The following NFAT5 variants were observed in gnomAD, a reference collection of about 807,000 sequenced individuals.
NFAT5 encodes nuclear factor of activated T-cells 5.
Under a neutral mutation model 166.5 loss-of-function variants are expected in NFAT5, and 31 were observed. The observed-to-expected ratio is 0.19, with a 90% CI of 0.14 to 0.25. The LOEUF is 0.25. NFAT5 is among the 10% of genes least tolerant of loss of function. The pLI, the probability that NFAT5 is intolerant of heterozygous loss-of-function variation, is 1.00. For synonymous variants in NFAT5, 612 were observed against 639.7 expected (o/e 0.96, Z 0.65); for missense variants, 1,449 against 1,821.8 (o/e 0.80, Z 3.72).
rs1369187661 is a variant in NFAT5, at chr16:69,687,167, TGTG to T, written c.1774+2201_1774+2203del. Among the ~76,000 whole-genome samples, 7 of 152,112 alleles carry T rather than the reference TGTG, an allele frequency of 4.6e-5. No homozygotes were observed. In the South Asian group the frequency reaches 1.0e-3, roughly 23 times the overall value. On this transcript the variant is annotated intron_variant, in intron 11 of 14. Transcript: ENST00000349945. ...TAAATAAAATTGGAACAAGGCCAGA[TGTG>T]GTGACTCACACCTGTAATCCCAGCA...
chr16:69,657,493 G>T (rs1567581702), intron 6 of NFAT5, among the ~76,000 whole-genome samples: 1 of 150,640 alleles, frequency 6.6e-6, no homozygotes, highest in Admixed American at 6.6e-5. Flanking sequence ...GCACGCAGTG[G>T]CTCACACCTG....
intron 3 of NFAT5, among the ~76,000 whole-genome samples, chr16:69,640,590 A>T (rs2035161652): frequency 6.6e-6 from 1 of 152,182 alleles, no homozygotes; most frequent in African/African-American, 2.4e-5. Flanking sequence ...GGTGACTTTT[A>T]TCAGATGAGA....
Position 69,566,372 on chromosome 16 carries a change from G to C in NFAT5, c.71G>C (p.Arg24Pro), listed in dbSNP as rs757290964. 4 of 1,597,868 alleles carry C rather than the reference G, an allele frequency of 2.5e-6. No individual in the cohort carries two copies. The highest frequency in any genetic ancestry group is 8.5e-7 in the Non-Finnish European group (1 of 1,171,482). ...GAATCGCCCAAGTCCCTCTACTCGC[G>C]AGGTGAGTCAGGCTGTGGGGGGTGG... ...DLESPKSLYS[R>P]DSLKLHPSQN... is the part of the protein sequence containing the mutation. Residue 24 changes from arginine to proline, a missense_variant and splice_region_variant, in exon 1 of 15, where the codon CGA becomes CCA. Coordinates refer to ENST00000349945, the MANE Select transcript of NFAT5 (RefSeq NM_138713.4). The surrounding 1 kb of genome is among the most constrained non-coding windows in gnomAD (Gnocchi z 5.7).
At chr16:69,652,178 G>A (rs1315142040) in intron 4 of NFAT5, among the ~76,000 whole-genome samples, 1 of 152,114 alleles carries the variant, frequency 6.6e-6, no homozygotes, top group Non-Finnish European at 1.5e-5. Flanking sequence ...AGGGCCAGGT[G>A]CAGTGGCTCA....
At chr16:69,695,580 A>G (rs1338638261) in intron 14 of NFAT5, 1 of 505,796 alleles carries the variant, frequency 2.0e-6, no homozygotes, top group Non-Finnish European at 3.5e-6. Context: ...GTGGTGGCTC[A>G]TGCCTGTAAT....
At chr16:69,674,520 G>A (rs759001489) in intron 9 of NFAT5, among the ~76,000 whole-genome samples, 1 of 151,862 alleles carries the variant, frequency 6.6e-6, no homozygotes, top group Non-Finnish European at 1.5e-5. Context: ...ATAGCTCAGG[G>A]GAAGATGGTA....
chr16:69,688,201 T>TCAAAAAAAAAAA (rs1567609208), intron 11 of NFAT5, among the ~76,000 whole-genome samples: 3 of 20,926 alleles, frequency 1.4e-4, no homozygotes, highest in African/African-American at 7.7e-4. Flanking sequence ...AGACTCCGTC[T>TCAAAAAAAAAAA]CAAAAAAAAA....
At position 69,589,104 on chromosome 16, in the gene NFAT5, C is replaced by A. The variant is rs544997764; in HGVS notation, c.127+20556C>A. ...CCACGTCCTGGGTACAAGTGATTCT[C>A]CTGCCTCAGCCTCCCGAGTAGCTGG... On this transcript the variant is annotated intron_variant, in intron 2 of 14. Transcript: ENST00000349945. Among the ~76,000 whole-genome samples the A allele has an allele frequency of 4.8e-5, 7 of 147,136 alleles. 1 individual carries two copies. The South Asian group carries it at 1.5e-3, about 32-fold the overall frequency.
chr16:69,644,268 G>C (rs1040614494), intron 3 of NFAT5, among the ~76,000 whole-genome samples: 1 of 151,346 alleles, frequency 6.6e-6, no homozygotes, highest in African/African-American at 2.4e-5. Context: ...CTGGGCAACA[G>C]AGTGAGACCC....
chr16:69,583,358 A>G (rs888587362), intron 2 of NFAT5, among the ~76,000 whole-genome samples: 8 of 151,316 alleles, frequency 5.3e-5, no homozygotes, highest in East Asian at 3.9e-4. Context: ...TTACAGGTGT[A>G]TAACACCATG....
intron 3 of NFAT5, among the ~76,000 whole-genome samples, chr16:69,639,642 C>A (rs1485104055): frequency 2.0e-5 from 3 of 151,986 alleles, no homozygotes; most frequent in African/African-American, 4.8e-5. Context: ...AATTGGTATC[C>A]TTTTTAAGGG....
chr16:69,678,827 A>G (rs2036938089), intron 10 of NFAT5, among the ~76,000 whole-genome samples: 2 of 152,270 alleles, frequency 1.3e-5, no homozygotes, highest in African/African-American at 4.8e-5. Context: ...TGGGGCAAAG[A>G]AAGAAAGCCC....
At position 69,684,737 on chromosome 16, in the gene NFAT5, T is replaced by C. The variant is rs2037217154; in HGVS notation, c.1691-150T>C. On this transcript the variant is annotated intron_variant, in intron 10 of 14. Transcript: ENST00000349945. ...CCGCCCACTTGGAGATTGGAGAATT[T>C]AGAGGATAGAAATTTACCTCAACTA... is the stretch of plus-strand genomic sequence containing the variant. 3 of 569,496 alleles carry C rather than the reference T, an allele frequency of 5.3e-6. No individual in the cohort carries two copies. The Admixed American group carries it at 1.0e-4, about 19-fold the overall frequency. 35.3% of individuals were successfully genotyped at this position (569,496 alleles called of 1,614,324 possible). A position where few individuals can be genotyped will look rare whatever the true frequency, so the allele number is the denominator to read the frequency against.
intron 3 of NFAT5, among the ~76,000 whole-genome samples, chr16:69,640,198 A>G (rs1054397400): frequency 6.6e-6 from 1 of 152,206 alleles, no homozygotes; most frequent in Non-Finnish European, 1.5e-5. Context: ...GTGTCTGTCA[A>G]TAGTGAAGAC....
At chr16:69,615,921 C>T (rs376188999) in intron 2 of NFAT5, among the ~76,000 whole-genome samples, 3 of 152,274 alleles carry the variant, frequency 2.0e-5, no homozygotes, top group African/African-American at 7.2e-5. Flanking sequence ...TCCTGCTCTC[C>T]TGTGAATACC....
intron 8 of NFAT5, 42 bp from the exon 9 acceptor site, chr16:69,670,194 A>C: frequency 6.4e-7 from 1 of 1,566,202 alleles, no homozygotes; most frequent in Non-Finnish European, 8.6e-7. Flanking sequence ...GAGTAAAAAA[A>C]ATAGTTCAAA....
chr16:69,592,864 T>G lies in NFAT5; in HGVS notation c.127+24316T>G, dbSNP rs554189494. ...GCTTTCAGAGTAGAGTAGGGTTTAT[T>G]CTTGGGAGTTTGAAGTTGAGCACAG... On this transcript the variant is annotated intron_variant, in intron 2 of 14. Coordinates refer to ENST00000349945, the MANE Select transcript of NFAT5 (RefSeq NM_138713.4). Among the ~76,000 whole-genome samples the G allele has an allele frequency of 8.5e-5, 13 of 152,310 alleles. No individual in the cohort carries two copies. In the East Asian group the frequency reaches 2.5e-3, roughly 29 times the overall value.
At chr16:69,682,588 C>A (rs1164374391) in intron 10 of NFAT5, among the ~76,000 whole-genome samples, 1 of 152,076 alleles carries the variant, frequency 6.6e-6, no homozygotes, top group Non-Finnish European at 1.5e-5. Context: ...CAATGTACTC[C>A]AGCCTGGACA....
chr16:69,589,431 G>A (rs1235501581), intron 2 of NFAT5, among the ~76,000 whole-genome samples: 8 of 152,140 alleles, frequency 5.3e-5, no homozygotes, highest in Non-Finnish European at 2.9e-5. Context: ...TACCGTTTTA[G>A]CAATCGAAAT....
Sources: gnomAD v4.1 joint callset for allele counts (sites outside exome capture counted in the v4.1 genomes callset) on GRCh38, gnomAD v4.1.1 for gene constraint, Gnocchi (gnomAD v3.1) non-coding constraint, MANE v1.5 for transcripts, NCBI Gene and HGNC (gene_info 2026-07-23, HGNC 2026-07-21) for gene names.